The following SCAND3 variants were observed in gnomAD, a reference collection of about 807,000 sequenced individuals.
The protein encoded by SCAND3 is SCAN domain-containing protein 3.
At chr6:28,580,524 G>C in the SCAND3 span, among the ~76,000 whole-genome samples, 1 of 152,070 alleles carries the variant, frequency 6.6e-6, no homozygotes, top group African/African-American at 2.4e-5. Context: ...GGTTAAGCCA[G>C]TTCCCTTTGG....
chr6:28,613,194 T>A, the SCAND3 span, among the ~76,000 whole-genome samples: 5 of 152,156 alleles, frequency 3.3e-5, no homozygotes, highest in Non-Finnish European at 5.9e-5. Flanking sequence ...TAAGCTGAAA[T>A]TTTCTAGTAC....
chr6:28,587,234 A>G, the SCAND3 span: 1 of 155,656 alleles, frequency 6.4e-6, no homozygotes, highest in African/African-American at 2.4e-5. Flanking sequence ...TGGAACCCAG[A>G]CTAGTGGGTC....
chr6:28,593,210 G>A, the SCAND3 span, among the ~76,000 whole-genome samples: 1 of 151,700 alleles, frequency 6.6e-6, no homozygotes, highest in Non-Finnish European at 1.5e-5. Context: ...CAACTAAATA[G>A]CAAGAAAACA....
the SCAND3 span, chr6:28,574,524 G>A: frequency 4.6e-6 from 4 of 861,868 alleles, no homozygotes; most frequent in South Asian, 3.5e-5. Context: ...TTCTTTGGGG[G>A]AAATATATCC....
the SCAND3 span, among the ~76,000 whole-genome samples, chr6:28,596,143 A>G: frequency 7.0e-3 from 1,071 of 152,360 alleles, 27 homozygotes; most frequent in Middle Eastern, 0.017. Context: ...CACATTCAAA[A>G]TTTTATGTAT....
the SCAND3 span, among the ~76,000 whole-genome samples, chr6:28,584,863 C>T: frequency 6.6e-6 from 1 of 152,186 alleles, no homozygotes; most frequent in African/African-American, 2.4e-5. Flanking sequence ...GATACTAAAC[C>T]AGCCACTACT....
the SCAND3 span, among the ~76,000 whole-genome samples, chr6:28,597,291 CA>C: frequency 1.3e-5 from 2 of 152,162 alleles, no homozygotes; most frequent in African/African-American, 4.8e-5. Context: ...GCTAACTAGG[CA>C]GCACTCAGAC....
At chr6:28,613,530 C>G in the SCAND3 span, among the ~76,000 whole-genome samples, 1 of 152,124 alleles carries the variant, frequency 6.6e-6, no homozygotes, top group Non-Finnish European at 1.5e-5. Context: ...AGTCTTGAAC[C>G]ATTCCCTCCT....
chr6:28,604,297 C>T, the SCAND3 span, among the ~76,000 whole-genome samples: 1 of 152,240 alleles, frequency 6.6e-6, no homozygotes, highest in African/African-American at 2.4e-5. Context: ...CCTTCCCCAG[C>T]TGTAGCTAAT....
chr6:28,610,251 G>A, the SCAND3 span, among the ~76,000 whole-genome samples: 61 of 152,240 alleles, frequency 4.0e-4, 2 homozygotes, highest in East Asian at 0.012. Context: ...GCCAAGCATG[G>A]TGGCTCACGC....
the SCAND3 span, chr6:28,572,458 T>G: frequency 1.2e-6 from 2 of 1,612,706 alleles, no homozygotes; most frequent in Non-Finnish European, 1.7e-6. This position sits in a 1 kb window ranked among gnomAD's most constrained non-coding sequence, Gnocchi z 4.1. Flanking sequence ...AATTCTGTTT[T>G]TCCAAGCTTC....
the SCAND3 span, among the ~76,000 whole-genome samples, chr6:28,610,320 G>A: frequency 1.3e-5 from 2 of 152,192 alleles, no homozygotes; most frequent in South Asian, 2.1e-4. Context: ...TCAGGAGTTC[G>A]AGACCAGCCT....
chr6:28,607,358 G>A, the SCAND3 span, among the ~76,000 whole-genome samples: 2 of 152,082 alleles, frequency 1.3e-5, no homozygotes. Context: ...GCAGTGTTAA[G>A]TATCTGTATC....
At chr6:28,573,617 G>A in the SCAND3 span, 52 of 1,612,976 alleles carry the variant, frequency 3.2e-5, no homozygotes, top group East Asian at 1.1e-3. Context: ...ATAATACACT[G>A]TGGTTTTAGT....
At chr6:28,574,730 C>T in the SCAND3 span, 5 of 1,614,148 alleles carry the variant, frequency 3.1e-6, no homozygotes, top group African/African-American at 1.3e-5. Flanking sequence ...CTTTGAATCT[C>T]ATCATGTTTC....
the SCAND3 span, chr6:28,579,261 A>T: frequency 6.2e-7 from 1 of 1,610,306 alleles, no homozygotes; most frequent in Non-Finnish European, 8.5e-7. This position sits in a 1 kb window ranked among gnomAD's most constrained non-coding sequence, Gnocchi z 4.5. Context: ...TTAGAACTAA[A>T]TTATTCTCAC....
the SCAND3 span, among the ~76,000 whole-genome samples, chr6:28,595,251 T>C: frequency 9.5e-6 from 1 of 105,404 alleles, no homozygotes; most frequent in African/African-American, 4.0e-5. Flanking sequence ...GGAGGCTGAG[T>C]TGGGAGGATT....
At chr6:28,572,901 T>C in the SCAND3 span, 1 of 1,613,992 alleles carries the variant, frequency 6.2e-7, no homozygotes, top group African/African-American at 1.3e-5. This position sits in a 1 kb window ranked among gnomAD's most constrained non-coding sequence, Gnocchi z 4.1. Flanking sequence ...AGCAATGTGT[T>C]GTTTTACATT....
chr6:28,573,474 T>C, the SCAND3 span: 2 of 1,614,124 alleles, frequency 1.2e-6, no homozygotes, highest in East Asian at 4.5e-5. Flanking sequence ...CCTGCTTTGG[T>C]TGGCTTTTCA....
Sources: gnomAD v4.1 joint callset for allele counts (sites outside exome capture counted in the v4.1 genomes callset) on GRCh38, gnomAD v4.1.1 for gene constraint, Gnocchi (gnomAD v3.1) non-coding constraint, MANE v1.5 for transcripts, NCBI Gene and HGNC (gene_info 2026-07-23, HGNC 2026-07-21) for gene names.